Variants in TVP23C observed in about 807,000 individuals in gnomAD.
TVP23C encodes the protein trans-golgi network vesicle protein 23 homolog C.
Under a neutral mutation model 28.7 loss-of-function variants are expected in TVP23C, and 19 were observed. The observed-to-expected ratio is 0.66, with a 90% confidence interval of 0.46 to 0.97. The LOEUF (loss-of-function observed/expected upper bound fraction) is 0.97. Ranked by LOEUF, TVP23C falls within the 50% of genes least tolerant of loss-of-function variation. TVP23C has a pLI of 0.00. For synonymous variants in TVP23C, 68 were observed against 81.7 expected (o/e 0.83, Z 0.90); for missense variants, 186 against 241.3 (o/e 0.77, Z 1.52).
chr17:15,546,929 C>T (rs1342457318), intron 4 of TVP23C, 130 bp downstream of exon 4: 2 of 902,024 alleles, frequency 2.2e-6, no homozygotes. Flanking sequence ...AGGCCATCTC[C>T]TTTAGTGCTG....
chr17:15,534,616 T>TA (rs1983083615), downstream of TVP23C, among the ~76,000 whole-genome samples: 1 of 148,460 alleles, frequency 6.7e-6, no homozygotes, highest in African/African-American at 2.6e-5. Context: ...CACACACCCT[T>TA]ACCTATTTAG....
At chr17:15,543,236 A>G (rs1983497145) in intron 5 of TVP23C, among the ~76,000 whole-genome samples, 1 of 147,352 alleles carries the variant, frequency 6.8e-6, no homozygotes, top group Non-Finnish European at 1.5e-5. Context: ...TCCAGCTCAG[A>G]GCAGCAGCCA....
intron 5 of TVP23C, among the ~76,000 whole-genome samples, chr17:15,526,572 T>C (rs1324746625): frequency 1.3e-5 from 2 of 152,354 alleles, no homozygotes; most frequent in South Asian, 2.1e-4. Flanking sequence ...CTGGCACTGA[T>C]TTTGACTAAT....
At chr17:15,504,071 A>G (rs1270596864) in intron 5 of TVP23C, among the ~76,000 whole-genome samples, 2 of 152,156 alleles carry the variant, frequency 1.3e-5, no homozygotes, top group Non-Finnish European at 2.9e-5. Flanking sequence ...CCCTATCCCC[A>G]CATTTTCCCC....
intron 5 of TVP23C, among the ~76,000 whole-genome samples, chr17:15,518,167 C>CAA (rs895582466): frequency 4.9e-3 from 263 of 53,608 alleles, no homozygotes; most frequent in Middle Eastern, 0.013. Context: ...GACTCCATCT[C>CAA]AAAAAAAAAA....
At chr17:15,510,487 G>A (rs1044217496) in intron 5 of TVP23C, among the ~76,000 whole-genome samples, 5 of 152,114 alleles carry the variant, frequency 3.3e-5, no homozygotes, top group Admixed American at 1.3e-4. Context: ...AATACCAGAC[G>A]TTGGCCAGTC....
chr17:15,551,953 T>C lies in TVP23C; in HGVS notation c.240+1732A>G, dbSNP rs8074947. On this transcript the variant is annotated intron_variant, in intron 3 of 5. Transcript: ENST00000518321. ...TTAATTTTGCTTCATATCTCCATTG[T>C]TTTGCTATCTATAAGTAATTTTGCC... Among the ~76,000 whole-genome samples, 434 of 151,708 alleles carry C rather than the reference T, an allele frequency of 2.9e-3. 2 individuals carry two copies. Among genetic ancestry groups the C allele is most frequent in the African/African-American group, 8.5e-3 (353 of 41,414 alleles).
chr17:15,524,441 G>C (rs942166180), intron 5 of TVP23C, among the ~76,000 whole-genome samples: 3 of 152,116 alleles, frequency 2.0e-5, no homozygotes, highest in South Asian at 2.1e-4. Flanking sequence ...TCTAAGGAAG[G>C]GGGTTAAGGA....
chr17:15,514,500 G>A (rs528092022), intron 5 of TVP23C, among the ~76,000 whole-genome samples: 5 of 152,146 alleles, frequency 3.3e-5, no homozygotes, highest in Admixed American at 3.3e-4. Context: ...TTTTAAGAAT[G>A]ACAAAAAGGC....
Position 15,560,111 on chromosome 17 carries a change from G to C in TVP23C, c.12+3326C>G, listed in dbSNP as rs1015646303. 2.0e-5 allele frequency among the ~76,000 whole-genome samples: 3 copies of C among 149,408 alleles called. 1 individual carries two copies. Among genetic ancestry groups the C allele is most frequent in the Admixed American group, 1.3e-4 (2 of 14,828 alleles). ...AGTCTCGCTCTGTCGCCAGGCTGGAGTGCAATGGTGTGATCTTGGCTCACT... is the reference window on the plus strand; with the variant it reads ...AGTCTCGCTCTGTCGCCAGGCTGGACTGCAATGGTGTGATCTTGGCTCACT... On this transcript the variant is annotated intron_variant, in intron 1 of 5. Transcript: ENST00000518321.
At chr17:15,546,355 T>C (rs1983646965) in intron 4 of TVP23C, among the ~76,000 whole-genome samples, 1 of 151,992 alleles carries the variant, frequency 6.6e-6, no homozygotes. Context: ...ATAATCAAAA[T>C]GTCTTAGCAA....
At chr17:15,508,361 C>T (rs1981857512) in intron 5 of TVP23C, among the ~76,000 whole-genome samples, 1 of 152,202 alleles carries the variant, frequency 6.6e-6, no homozygotes, top group Non-Finnish European at 1.5e-5. Flanking sequence ...GTCCCCAAAG[C>T]CCTCTGGAAG....
At chr17:15,506,359 G>T (rs1465281504) in intron 5 of TVP23C, among the ~76,000 whole-genome samples, 5 of 152,276 alleles carry the variant, frequency 3.3e-5, no homozygotes, top group Admixed American at 3.3e-4. Context: ...CTCAGGGTTT[G>T]TGAGTGCACC....
chr17:15,542,813 T>A (rs1485144371), intron 5 of TVP23C, among the ~76,000 whole-genome samples: 3 of 152,192 alleles, frequency 2.0e-5, no homozygotes, highest in Non-Finnish European at 4.4e-5. Context: ...ATTTTGTGAA[T>A]TTTTGCATGA....
intron 5 of TVP23C, among the ~76,000 whole-genome samples, chr17:15,542,686 A>G (rs902351996): frequency 6.6e-6 from 1 of 152,096 alleles, no homozygotes; most frequent in African/African-American, 2.4e-5. Flanking sequence ...CGTGTTAGCC[A>G]GGATGGTCTC....
At chr17:15,519,809 G>A (rs1982394994) in intron 5 of TVP23C, among the ~76,000 whole-genome samples, 1 of 152,190 alleles carries the variant, frequency 6.6e-6, no homozygotes, top group Non-Finnish European at 1.5e-5. Context: ...GGCTGAGGCA[G>A]GAGAATGGCA....
exon 6 of TVP23C, chr17:15,502,825 TC>T: frequency 6.5e-7 from 1 of 1,535,296 alleles, no homozygotes; most frequent in Non-Finnish European, 8.8e-7. Context: ...TCTCTCTCTC[TC>T]TCTCTCCTGC....
intron 5 of TVP23C, among the ~76,000 whole-genome samples, chr17:15,521,111 A>C (rs2654332): frequency 6.6e-6 from 1 of 152,050 alleles, no homozygotes; most frequent in East Asian, 1.9e-4. Flanking sequence ...ATTCAATATT[A>C]CAAAGATGAG....
At chr17:15,529,728 G>C (rs1982874924) in intron 5 of TVP23C, among the ~76,000 whole-genome samples, 1 of 152,080 alleles carries the variant, frequency 6.6e-6, no homozygotes, top group African/African-American at 2.4e-5. Flanking sequence ...CTTTCTACCT[G>C]TGTCTTTGAA....
Sources: gnomAD v4.1 joint callset for allele counts (sites outside exome capture counted in the v4.1 genomes callset) on GRCh38, gnomAD v4.1.1 for gene constraint, MANE v1.5 for transcripts, NCBI Gene and HGNC (gene_info 2026-07-23, HGNC 2026-07-21) for gene names.